SRGAP1: variants seen among roughly 807,000 people sequenced by gnomAD.
SRGAP1 encodes SLIT-ROBO Rho GTPase-activating protein 1.
Under a neutral mutation model 121.9 loss-of-function variants are expected in SRGAP1, and 43 were observed. The ratio of observed to expected loss-of-function variants is 0.35; its 90% CI spans 0.28 to 0.46. The LOEUF is 0.46. Among genes scored for constraint, SRGAP1 ranks in the 20% least tolerant of loss-of-function variants. The pLI is 1.00. For missense variants in SRGAP1, 1,102 were observed against 1,350.9 expected, an observed-to-expected ratio of 0.82 and a Z score of 2.89; for synonymous variants, 447 against 485.4, an observed-to-expected ratio of 0.92 and a Z score of 1.04.
intron 15 of SRGAP1, among the ~76,000 whole-genome samples, chr12:64,102,644 G>A (rs571694483): frequency 6.6e-6 from 1 of 152,128 alleles, no homozygotes; most frequent in Admixed American, 6.5e-5. Context: ...TGTTCTGGCC[G>A]TTTCATATGA....
intron 8 of SRGAP1, among the ~76,000 whole-genome samples, chr12:64,068,841 C>T (rs976090698): frequency 6.6e-6 from 1 of 151,560 alleles, no homozygotes. Flanking sequence ...AAAACGCCGT[C>T]TCTACTAAAA....
chr12:63,995,138 T>C (rs779823304), intron 3 of SRGAP1, among the ~76,000 whole-genome samples: 1 of 152,234 alleles, frequency 6.6e-6, no homozygotes, highest in African/African-American at 2.4e-5. Context: ...TTAAATTACC[T>C]TGAAGTCTGT....
Position 64,157,139 on chromosome 12 carries a change from C to G in SRGAP1, c.*14467C>G, listed in dbSNP as rs1057052605. Reference sequence around the variant, plus strand: ...ACCCCTCAACACTCCTTCAGACCCCCACTGTAACAAAGGGATGTGTCTACC... The same window carrying G: ...ACCCCTCAACACTCCTTCAGACCCCGACTGTAACAAAGGGATGTGTCTACC... On this transcript the variant is annotated 3_prime_UTR_variant, in exon 22 of 22. Transcript: ENST00000355086. 4 of 152,204 alleles carry G rather than the reference C, an allele frequency of 2.6e-5. No homozygotes were observed. Among genetic ancestry groups the G allele is most frequent in the African/African-American group, 9.7e-5 (4 of 41,422 alleles). The allele number at this position is 152,204 out of a possible 1,614,324, so 9.4% of individuals were successfully genotyped here.
chr12:63,949,396 T>TTTTTTATTATTATTA (rs1340353080), intron 1 of SRGAP1, among the ~76,000 whole-genome samples: 1 of 126,072 alleles, frequency 7.9e-6, no homozygotes, highest in African/African-American at 3.1e-5. Context: ...ATTTTTATTA[T>TTTTTTATTATTATTA]TTATTATTAT....
chr12:63,954,677 C>CAAA (rs60508657), intron 1 of SRGAP1, among the ~76,000 whole-genome samples: 2 of 104,616 alleles, frequency 1.9e-5, no homozygotes, highest in African/African-American at 7.1e-5. Context: ...GACTCCATCT[C>CAAA]AAAAAAAAAA....
chr12:64,041,291 T>C (rs867303170), intron 4 of SRGAP1, among the ~76,000 whole-genome samples: 3 of 152,066 alleles, frequency 2.0e-5, no homozygotes, highest in African/African-American at 4.8e-5. Flanking sequence ...AAGGACATTG[T>C]AATCTAAAAA....
rs764278405 is a variant in SRGAP1, at chr12:63,907,773, G to A, written c.67+62890G>A. On this transcript the variant is annotated intron_variant, in intron 1 of 21. Coordinates refer to ENST00000355086, the MANE Select transcript of SRGAP1 (RefSeq NM_020762.4). ...TTTATTTTGTCATTGTGGTTTTGGTGTTATTTCTAAGTAACCATTGCCTAA... is the reference window on the plus strand; with the variant it reads ...TTTATTTTGTCATTGTGGTTTTGGTATTATTTCTAAGTAACCATTGCCTAA... 1.1e-4 allele frequency among the ~76,000 whole-genome samples: 16 copies of A among 152,136 alleles called. No homozygotes were observed. In the South Asian group the frequency reaches 1.5e-3, roughly 14 times the overall value.
At chr12:63,938,084 T>C (rs1430088506) in intron 1 of SRGAP1, among the ~76,000 whole-genome samples, 1 of 152,180 alleles carries the variant, frequency 6.6e-6, no homozygotes, top group East Asian at 1.9e-4. Context: ...CCTCAGCGGT[T>C]TCTACTGAGA....
At chr12:63,942,391 A>AATAAGG (rs2031900201) in intron 1 of SRGAP1, among the ~76,000 whole-genome samples, 1 of 152,236 alleles carries the variant, frequency 6.6e-6, no homozygotes, top group Admixed American at 6.5e-5. Context: ...TGTGAATTAA[A>AATAAGG]ATATGTTTAT....
At chr12:64,002,015 T>C (rs2033915136) in intron 3 of SRGAP1, among the ~76,000 whole-genome samples, 1 of 152,170 alleles carries the variant, frequency 6.6e-6, no homozygotes, top group Non-Finnish European at 1.5e-5. Flanking sequence ...GACCAGATTT[T>C]TAAAATTCCG....
At chr12:64,010,082 G>C (rs2034207100) in intron 3 of SRGAP1, among the ~76,000 whole-genome samples, 1 of 152,126 alleles carries the variant, frequency 6.6e-6, no homozygotes, top group Non-Finnish European at 1.5e-5. Flanking sequence ...AGTATGGCCT[G>C]ATCCCTTTAA....
At chr12:64,097,453 C>T in intron 15 of SRGAP1, 78 bp downstream of exon 15, 2 of 1,471,734 alleles carry the variant, frequency 1.4e-6, no homozygotes, top group South Asian at 1.3e-5. Flanking sequence ...AGTGGCCCCC[C>T]TCCATACACC....
chr12:64,103,410 C>G (rs2036290611), intron 15 of SRGAP1, among the ~76,000 whole-genome samples: 1 of 152,110 alleles, frequency 6.6e-6, no homozygotes, highest in Non-Finnish European at 1.5e-5. Context: ...TGTAACAAAT[C>G]CCCTAGTTTA....
chr12:64,136,222 C>T (rs2036854174), intron 21 of SRGAP1, among the ~76,000 whole-genome samples: 1 of 152,126 alleles, frequency 6.6e-6, no homozygotes, highest in Non-Finnish European at 1.5e-5. Context: ...AACCATCACA[C>T]TAAGAGTGGT....
intron 1 of SRGAP1, among the ~76,000 whole-genome samples, chr12:63,940,740 G>T (rs566456024): frequency 6.6e-6 from 1 of 152,156 alleles, no homozygotes; most frequent in Non-Finnish European, 1.5e-5. Context: ...TTGTGCCTCC[G>T]TTTGTTTCTT....
chr12:63,902,573 A>G (rs532865893), intron 1 of SRGAP1, among the ~76,000 whole-genome samples: 1 of 152,304 alleles, frequency 6.6e-6, no homozygotes, highest in Non-Finnish European at 1.5e-5. Context: ...GTCTTCCCTA[A>G]AATGATGGAC....
At chr12:64,086,459 C>A (rs113469018) in intron 10 of SRGAP1, among the ~76,000 whole-genome samples, 218 of 152,158 alleles carry the variant, frequency 1.4e-3, no homozygotes, top group African/African-American at 5.0e-3. Context: ...ATTTAATGTC[C>A]TTGTACTTTA....
chr12:64,056,245 A>G (rs1297175152), intron 6 of SRGAP1, among the ~76,000 whole-genome samples: 1 of 152,178 alleles, frequency 6.6e-6, no homozygotes, highest in Non-Finnish European at 1.5e-5. Context: ...AAGCCTCTTC[A>G]TTCTTTGACT....
At chr12:63,876,603 C>A (rs902321724) in intron 1 of SRGAP1, among the ~76,000 whole-genome samples, 4 of 152,118 alleles carry the variant, frequency 2.6e-5, no homozygotes, top group Non-Finnish European at 4.4e-5. Context: ...GATGTTTCTA[C>A]CATTTAACAT....
Sources: gnomAD v4.1 joint callset for allele counts (sites outside exome capture counted in the v4.1 genomes callset) on GRCh38, gnomAD v4.1.1 for gene constraint, MANE v1.5 for transcripts, NCBI Gene and HGNC (gene_info 2026-07-23, HGNC 2026-07-21) for gene names.